DCAF8L2: variants seen among roughly 807,000 people sequenced by gnomAD.
DCAF8L2 encodes DDB1- and CUL4-associated factor 8-like protein 2.
For synonymous variants in DCAF8L2, 200 were observed against 190.9 expected (o/e 1.05, Z -0.39); for missense variants, 430 against 490.7 (o/e 0.88, Z 1.17).
intron 3 of DCAF8L2, among the ~76,000 whole-genome samples, chrX:27,689,525 G>T (rs905931396): frequency 8.9e-6 from 1 of 112,798 alleles, no homozygotes. Context: ...GATTACAGGC[G>T]TGAGCCACCG....
Position 27,733,436 on chromosome X carries a change from T to C in DCAF8L2, c.-58-13402T>C, listed in dbSNP as rs1352134291. ...TCCTTATATATTTTGGATATTAGCTTTTATCAAATATATGGTTTGCAAATA... is the reference window on the plus strand; with the variant it reads ...TCCTTATATATTTTGGATATTAGCTCTTATCAAATATATGGTTTGCAAATA... On this transcript the variant is annotated intron_variant, in intron 4 of 4. Coordinates refer to ENST00000451261, the MANE Select transcript of DCAF8L2 (RefSeq NM_001353450.2). Among the ~76,000 whole-genome samples the C allele has an allele frequency of 2.7e-5, 3 of 112,291 alleles. No individual in the cohort carries two copies. In the Admixed American group the frequency reaches 2.8e-4, roughly 11 times the overall value.
At chrX:27,696,507 CTTTGT>C (rs957803624) in intron 3 of DCAF8L2, among the ~76,000 whole-genome samples, 3 of 111,255 alleles carry the variant, frequency 2.7e-5, no homozygotes, top group African/African-American at 9.8e-5. Context: ...GCACAATTCA[CTTTGT>C]TTTAATTCCA....
the DCAF8L2 span, among the ~76,000 whole-genome samples, chrX:27,514,253 A>C: frequency 0.26 from 9,617 of 37,357 alleles, 740 homozygotes; most frequent in East Asian, 0.54. Context: ...ACATATGTAC[A>C]TATATGTGTG....
At chrX:27,541,105 G>A in the DCAF8L2 span, among the ~76,000 whole-genome samples, 10,571 of 110,734 alleles carry the variant, frequency 0.095, 402 homozygotes, top group Non-Finnish European at 0.12. Flanking sequence ...CAGATTATTT[G>A]GAGAAATGGC....
chrX:27,475,265 C>T, the DCAF8L2 span, among the ~76,000 whole-genome samples: 1 of 111,715 alleles, frequency 9.0e-6, no homozygotes, highest in African/African-American at 3.3e-5. Context: ...CCTGCAAGGA[C>T]ATTTTGATCA....
the DCAF8L2 span, among the ~76,000 whole-genome samples, chrX:27,569,707 T>C: frequency 8.9e-6 from 1 of 111,841 alleles, no homozygotes; most frequent in Non-Finnish European, 1.9e-5. Flanking sequence ...AAATTAAAGA[T>C]ACCTGACTTA....
intron 3 of DCAF8L2, among the ~76,000 whole-genome samples, chrX:27,704,053 T>TTG (rs1229124927): frequency 5.9e-4 from 41 of 69,969 alleles, no homozygotes; most frequent in African/African-American, 2.7e-3. Flanking sequence ...AGATAACACA[T>TTG]TGTGTGTGTA....
intron 3 of DCAF8L2, among the ~76,000 whole-genome samples, chrX:27,679,316 CT>C (rs58044394): frequency 0.096 from 10,120 of 105,326 alleles, 1,168 homozygotes; most frequent in African/African-American, 0.33. Context: ...CCAGTTTGAG[CT>C]TTTTTTTTTC....
At chrX:27,722,445 G>A (rs1208248259) in intron 4 of DCAF8L2, among the ~76,000 whole-genome samples, 1 of 111,095 alleles carries the variant, frequency 9.0e-6, no homozygotes, top group Non-Finnish European at 1.9e-5. Context: ...CTAAAATTGG[G>A]CAAAACCCTC....
the DCAF8L2 span, among the ~76,000 whole-genome samples, chrX:27,538,861 G>A: frequency 1.8e-5 from 2 of 111,870 alleles, no homozygotes; most frequent in Admixed American, 9.5e-5. Context: ...CCTTAAATCC[G>A]CCACAGAAGA....
At chrX:27,503,675 C>G in the DCAF8L2 span, among the ~76,000 whole-genome samples, 1 of 111,077 alleles carries the variant, frequency 9.0e-6, no homozygotes, top group South Asian at 3.7e-4. Context: ...CAATATCATA[C>G]TATATTTATA....
the DCAF8L2 span, among the ~76,000 whole-genome samples, chrX:27,541,314 T>C: frequency 9.1e-6 from 1 of 109,715 alleles, no homozygotes; most frequent in Non-Finnish European, 1.9e-5. Context: ...ATATATTTTT[T>C]GCACTGAAAT....
chrX:27,569,584 G>A, the DCAF8L2 span, among the ~76,000 whole-genome samples: 1 of 112,123 alleles, frequency 8.9e-6, no homozygotes, highest in African/African-American at 3.2e-5. Flanking sequence ...TCAGGTAGCT[G>A]TATTGACAAA....
At chrX:27,724,634 G>T (rs1004948704) in intron 4 of DCAF8L2, among the ~76,000 whole-genome samples, 1 of 111,352 alleles carries the variant, frequency 9.0e-6, no homozygotes, top group Admixed American at 9.6e-5. Context: ...CAACAGAAAA[G>T]AAATGTTATA....
intron 1 of DCAF8L2, among the ~76,000 whole-genome samples, chrX:27,629,537 A>G (rs934570650): frequency 9.6e-6 from 1 of 103,802 alleles, no homozygotes; most frequent in Non-Finnish European, 1.9e-5. Flanking sequence ...TCACATCAAT[A>G]TCCAGTTTCC....
chrX:27,491,825 A>G, the DCAF8L2 span, among the ~76,000 whole-genome samples: 120 of 111,195 alleles, frequency 1.1e-3, 1 homozygote, highest in African/African-American at 3.8e-3. Flanking sequence ...CTTCTTTTTC[A>G]TGTCATTAAC....
At chrX:27,629,820 A>G (rs1443855264) in intron 1 of DCAF8L2, among the ~76,000 whole-genome samples, 1 of 111,622 alleles carries the variant, frequency 9.0e-6, no homozygotes, top group Non-Finnish European at 1.9e-5. Context: ...TATGAATTTT[A>G]GGATTGTTTT....
intron 3 of DCAF8L2, among the ~76,000 whole-genome samples, chrX:27,680,302 G>A (rs985357045): frequency 1.8e-5 from 2 of 111,095 alleles, no homozygotes; most frequent in Non-Finnish European, 1.9e-5. Flanking sequence ...TAATAAAACC[G>A]TTCTACAATG....
At chrX:27,625,883 AG>A (rs1199477624) in intron 1 of DCAF8L2, among the ~76,000 whole-genome samples, 1 of 111,176 alleles carries the variant, frequency 9.0e-6, no homozygotes, top group Non-Finnish European at 1.9e-5. Context: ...GAGGAGGGTG[AG>A]GACCAAAAAA....
Sources: gnomAD v4.1 joint callset for allele counts (sites outside exome capture counted in the v4.1 genomes callset) on GRCh38, gnomAD v4.1.1 for gene constraint, MANE v1.5 for transcripts, NCBI Gene and HGNC (gene_info 2026-07-23, HGNC 2026-07-21) for gene names.